The following SLC24A2 variants were observed in gnomAD, a reference collection of about 807,000 sequenced individuals.
SLC24A2 encodes the protein solute carrier family 24 member 2.
SLC24A2 carries 36 observed loss-of-function variants against 62.0 expected under a neutral mutation model. That is an observed-to-expected ratio of 0.58 (90% CI 0.44 to 0.77). SLC24A2 has a LOEUF of 0.77. Among genes scored for constraint, SLC24A2 ranks in the 30% least tolerant of loss-of-function variants. The pLI is 0.00. For synonymous variants in SLC24A2, 358 were observed against 294.0 expected (o/e 1.22, Z -2.23); for missense variants, 846 against 817.9 (o/e 1.03, Z -0.42).
intron 2 of SLC24A2, among the ~76,000 whole-genome samples, chr9:19,625,118 T>C (rs1818001171): frequency 6.6e-6 from 1 of 152,162 alleles, no homozygotes; most frequent in African/African-American, 2.4e-5. Flanking sequence ...AGAAGACAAC[T>C]TCTTCAAAAG....
chr9:19,611,068 G>C (rs1447771440), intron 4 of SLC24A2, among the ~76,000 whole-genome samples: 2 of 152,126 alleles, frequency 1.3e-5, no homozygotes, highest in Non-Finnish European at 2.9e-5. Context: ...TCATTGTTTT[G>C]CTTCTGATAT....
chr9:20,079,813 G>C, the SLC24A2 span, among the ~76,000 whole-genome samples: 2 of 152,138 alleles, frequency 1.3e-5, no homozygotes, highest in Non-Finnish European at 2.9e-5. Context: ...TTGCCTATCA[G>C]CTTAAGGAGA....
the SLC24A2 span, among the ~76,000 whole-genome samples, chr9:20,114,256 T>G: frequency 6.6e-6 from 1 of 152,078 alleles, no homozygotes; most frequent in Non-Finnish European, 1.5e-5. Context: ...AGGGGACAGA[T>G]GAAATAATTC....
At chr9:20,007,532 C>T in the SLC24A2 span, among the ~76,000 whole-genome samples, 1 of 151,998 alleles carries the variant, frequency 6.6e-6, no homozygotes, top group African/African-American at 2.4e-5. Context: ...TATATAAATT[C>T]ATATACATAA....
At chr9:20,256,723 T>C in the SLC24A2 span, among the ~76,000 whole-genome samples, 1 of 152,168 alleles carries the variant, frequency 6.6e-6, no homozygotes, top group Non-Finnish European at 1.5e-5. Context: ...GTGAGGGCTT[T>C]CTGATACCCT....
At chr9:20,112,825 C>T in the SLC24A2 span, among the ~76,000 whole-genome samples, 3 of 151,718 alleles carry the variant, frequency 2.0e-5, no homozygotes, top group Non-Finnish European at 1.5e-5. Context: ...TCACCAGCCA[C>T]CCCCCACCTC....
chr9:19,567,435 A>C (rs1835699833), intron 7 of SLC24A2, among the ~76,000 whole-genome samples: 1 of 150,704 alleles, frequency 6.6e-6, no homozygotes, highest in Admixed American at 6.6e-5. Context: ...AGTCCCAGCT[A>C]CTTGGGAGGC....
At chr9:20,007,579 A>G in the SLC24A2 span, among the ~76,000 whole-genome samples, 707 of 152,290 alleles carry the variant, frequency 4.6e-3, 7 homozygotes, top group South Asian at 8.1e-3. Flanking sequence ...TTATGAGTAT[A>G]TAAAGTAACT....
At chr9:19,634,399 C>T (rs2118013172) in intron 2 of SLC24A2, among the ~76,000 whole-genome samples, 1 of 151,124 alleles carries the variant, frequency 6.6e-6, no homozygotes, top group Admixed American at 6.6e-5. Context: ...AGCAATTCTC[C>T]TGCCTCAGCC....
At chr9:19,543,593 A>C (rs1232840788) in intron 8 of SLC24A2, among the ~76,000 whole-genome samples, 1 of 152,158 alleles carries the variant, frequency 6.6e-6, no homozygotes. Flanking sequence ...CCCTCTACAC[A>C]GTGCTTTAAA....
the SLC24A2 span, among the ~76,000 whole-genome samples, chr9:20,224,070 A>G: frequency 6.6e-6 from 1 of 151,934 alleles, no homozygotes; most frequent in Non-Finnish European, 1.5e-5. Flanking sequence ...AGCATGAGGA[A>G]ACTGCCCTCA....
At chr9:20,181,846 G>C in the SLC24A2 span, among the ~76,000 whole-genome samples, 13 of 152,110 alleles carry the variant, frequency 8.5e-5, no homozygotes, top group Admixed American at 2.6e-4. Context: ...GAATGAATAG[G>C]CAACCTATAG....
intron 10 of SLC24A2, among the ~76,000 whole-genome samples, chr9:19,520,028 G>T (rs539395122): frequency 6.6e-6 from 1 of 152,244 alleles, no homozygotes; most frequent in East Asian, 1.9e-4. Flanking sequence ...TGGCTTAAAT[G>T]GAGAAAAACA....
chr9:19,564,668 G>C (rs1440995807), intron 7 of SLC24A2, among the ~76,000 whole-genome samples: 1 of 152,112 alleles, frequency 6.6e-6, no homozygotes, highest in East Asian at 1.9e-4. Flanking sequence ...CCTAAGGACA[G>C]AAGGAAATCT....
the SLC24A2 span, among the ~76,000 whole-genome samples, chr9:19,949,539 A>T: frequency 6.6e-6 from 1 of 152,224 alleles, no homozygotes; most frequent in Admixed American, 6.5e-5. Flanking sequence ...TTTGAAAAAA[A>T]ATCACTTAAG....
At chr9:20,254,606 T>G in the SLC24A2 span, among the ~76,000 whole-genome samples, 1 of 152,266 alleles carries the variant, frequency 6.6e-6, no homozygotes, top group East Asian at 1.9e-4. Flanking sequence ...GGTAACTGCA[T>G]TCATCTTTGA....
chr9:20,025,390 A>G, the SLC24A2 span, among the ~76,000 whole-genome samples: 4 of 152,204 alleles, frequency 2.6e-5, no homozygotes. Context: ...TATACAAAAC[A>G]AGAATATTGA....
At chr9:20,129,098 C>A in the SLC24A2 span, among the ~76,000 whole-genome samples, 128 of 151,948 alleles carry the variant, frequency 8.4e-4, 1 homozygote, top group African/African-American at 2.9e-3. Context: ...GCAAAAAAAA[C>A]CAATCAACCC....
intron 9 of SLC24A2, among the ~76,000 whole-genome samples, chr9:19,525,332 C>G (rs1238402539): frequency 1.4e-5 from 2 of 145,716 alleles, no homozygotes; most frequent in African/African-American, 5.0e-5. Flanking sequence ...TAGAGTAAAA[C>G]TCATTCACCT....
Sources: allele counts gnomAD v4.1 joint callset (sites outside exome capture counted in the v4.1 genomes callset), GRCh38; gene constraint gnomAD v4.1.1; transcripts MANE v1.5; gene names NCBI Gene and HGNC (gene_info 2026-07-23, HGNC 2026-07-21).